PIKFYVE: variants seen among roughly 807,000 people sequenced by gnomAD.
The protein encoded by PIKFYVE is 1-phosphatidylinositol 3-phosphate 5-kinase.
PIKFYVE carries 122 observed loss-of-function variants against 257.9 expected under a neutral mutation model. That is an observed-to-expected ratio of 0.47 (90% CI 0.41 to 0.55). The LOEUF (loss-of-function observed/expected upper bound fraction) is 0.55. PIKFYVE is among the 20% of genes least tolerant of loss of function. The pLI, the probability that PIKFYVE is intolerant of heterozygous loss-of-function variation, is 0.00. For missense variants in PIKFYVE, 2,160 were observed against 2,536.6 expected (o/e 0.85, Z 3.19); for synonymous variants, 892 against 868.9 (o/e 1.03, Z -0.47).
chr2:208,345,458 G>A (rs796228413), intron 33 of PIKFYVE, among the ~76,000 whole-genome samples: 21 of 152,164 alleles, frequency 1.4e-4, no homozygotes, highest in African/African-American at 5.1e-4. Flanking sequence ...TGAAAAAAAT[G>A]AAAAGGTGTT....
intron 4 of PIKFYVE, 150 bp from the exon 5 acceptor site, chr2:208,277,387 A>T (rs1203593927): frequency 2.5e-6 from 2 of 785,070 alleles, no homozygotes; most frequent in Admixed American, 4.8e-5. Flanking sequence ...CTTCTTCAAG[A>T]TTGTCTTGGT....
intron 14 of PIKFYVE, 77 bp from the exon 15 acceptor site, chr2:208,315,116 C>A: frequency 2.4e-6 from 3 of 1,267,418 alleles, no homozygotes; most frequent in Non-Finnish European, 3.4e-6. Context: ...TCTTTGTAGG[C>A]TGTTTGTTTT....
intron 13 of PIKFYVE, among the ~76,000 whole-genome samples, chr2:208,313,188 T>A (rs1369636093): frequency 6.6e-6 from 1 of 152,024 alleles, no homozygotes; most frequent in Non-Finnish European, 1.5e-5. Flanking sequence ...ATTTCCCACT[T>A]CTTTTCTTTC....
In PIKFYVE at chr2:208,358,249, A is replaced by G. The variant is rs960172403; in HGVS notation, c.*2944A>G. The G allele has an allele frequency of 6.6e-6, 1 of 152,616 alleles. No individual in the cohort carries two copies. The highest frequency in any genetic ancestry group is 2.4e-5 in the African/African-American group (1 of 41,436). The allele number at this position is 152,616 out of a possible 1,614,324, so 9.5% of individuals were successfully genotyped here. Reference sequence around the variant, plus strand: ...CTGTGTAAAACTGCCAAGGAAAGTAATTACCTGTAGGAGTTTGCTGAGCTT... The same window carrying G: ...CTGTGTAAAACTGCCAAGGAAAGTAGTTACCTGTAGGAGTTTGCTGAGCTT... On this transcript the variant is annotated 3_prime_UTR_variant, in exon 42 of 42. Coordinates refer to ENST00000264380, the MANE Select transcript of PIKFYVE (RefSeq NM_015040.4).
intron 14 of PIKFYVE, 108 bp downstream of exon 14, chr2:208,314,531 T>A: frequency 7.9e-7 from 1 of 1,264,452 alleles, no homozygotes; most frequent in Admixed American, 2.3e-5. Context: ...TTCTTTTTCC[T>A]TAGAAAGTAA....
chr2:208,315,846 T>TC (rs1168357151), intron 15 of PIKFYVE, among the ~76,000 whole-genome samples: 1 of 151,712 alleles, frequency 6.6e-6, no homozygotes, highest in Non-Finnish European at 1.5e-5. Flanking sequence ...TGCGATTTTT[T>TC]TTTTTAACTT....
At chr2:208,323,524 G>T (rs1696554511) in intron 17 of PIKFYVE, among the ~76,000 whole-genome samples, 2 of 152,040 alleles carry the variant, frequency 1.3e-5, no homozygotes, top group Non-Finnish European at 2.9e-5. Flanking sequence ...TGGACATTTG[G>T]GTTGGTTCCA....
intron 15 of PIKFYVE, among the ~76,000 whole-genome samples, chr2:208,316,687 C>T (rs1357364147): frequency 1.3e-5 from 2 of 152,114 alleles, no homozygotes; most frequent in Non-Finnish European, 2.9e-5. Context: ...CAATCCTAAG[C>T]CAAAAGAACA....
chr2:208,309,825 G>C (rs1443492941), intron 12 of PIKFYVE, among the ~76,000 whole-genome samples: 1 of 152,082 alleles, frequency 6.6e-6, no homozygotes, highest in Non-Finnish European at 1.5e-5. Context: ...TAGACTTGGG[G>C]ACTTCTAAGT....
At position 208,326,165 on chromosome 2, in the gene PIKFYVE, A is replaced by G. The variant is rs149005796; in HGVS notation, c.3354A>G (p.Gly1118=). Residue 1118 remains glycine (G), a synonymous_variant, in exon 20 of 42, where the codon GGA becomes GGG. Transcript: ENST00000264380. ...TCTCTGGACTTCAGGGCATGAATGG[A>G]AGTATTCAGGCCAAGTCTATTCAAG... ...RDLSGLQGMN[G]SIQAKSIQVL... 460 of 1,613,736 alleles carry G rather than the reference A, an allele frequency of 2.9e-4. No individual in the cohort carries two copies. Among genetic ancestry groups the G allele is most frequent in the Middle Eastern group, 1.6e-4 (1 of 6,078 alleles).
At chr2:208,287,484 G>C (rs1175586955) in intron 6 of PIKFYVE, among the ~76,000 whole-genome samples, 1 of 152,044 alleles carries the variant, frequency 6.6e-6, no homozygotes, top group African/African-American at 2.4e-5. Context: ...ATGTTGGCCA[G>C]GCTGGTCTTG....
At chr2:208,330,100 A>G (rs1021826001) in intron 22 of PIKFYVE, among the ~76,000 whole-genome samples, 187 bp downstream of exon 22, 5 of 152,198 alleles carry the variant, frequency 3.3e-5, no homozygotes, top group African/African-American at 4.8e-5. Context: ...TCTCTTATCC[A>G]GAACATCCCT....
intron 27 of PIKFYVE, among the ~76,000 whole-genome samples, chr2:208,336,480 T>C (rs1698152362): frequency 6.6e-6 from 1 of 152,216 alleles, no homozygotes; most frequent in South Asian, 2.1e-4. Context: ...TGCTGTTGAA[T>C]TGTTTTTAAC....
At chr2:208,271,124 A>C (rs745480692) in intron 1 of PIKFYVE, among the ~76,000 whole-genome samples, 3 of 152,166 alleles carry the variant, frequency 2.0e-5, no homozygotes, top group Non-Finnish European at 4.4e-5. Flanking sequence ...CCATAACTTT[A>C]AAAAGCTGTT....
In PIKFYVE at chr2:208,355,644, AG is replaced by A; in HGVS notation, c.*340del. On this transcript the variant is annotated 3_prime_UTR_variant, in exon 42 of 42. Coordinates refer to ENST00000264380, the MANE Select transcript of PIKFYVE (RefSeq NM_015040.4). ...AGCTTAATTGTTTTAAGAAGAAAAC[AG>A]TGTCTCATAAATTGACTATCCTGGC... 4.6e-6 allele frequency: 1 copy of A among 218,334 alleles called. No homozygotes were observed. The highest frequency in any genetic ancestry group is 9.3e-6 in the Non-Finnish European group (1 of 108,016). 13.5% of individuals were successfully genotyped at this position (218,334 alleles called of 1,614,324 possible).
intron 39 of PIKFYVE, among the ~76,000 whole-genome samples, chr2:208,353,257 A>G (rs894586230): frequency 5.9e-5 from 9 of 152,232 alleles, no homozygotes; most frequent in South Asian, 2.1e-4. Flanking sequence ...AACACCTTCT[A>G]TGAGAAAAAT....
In PIKFYVE at chr2:208,273,664, T is replaced by A; in HGVS notation, c.253T>A (p.Ser85Thr). Residue 85 changes from serine to threonine, a missense_variant, in exon 3 of 42, where the codon TCT (serine) becomes ACT (threonine). Around this residue, in one of 12 missense-constraint regions of PIKFYVE, gnomAD observed 172 missense variants for 180.6 expected, o/e 0.95. Coordinates refer to ENST00000264380, the MANE Select transcript of PIKFYVE (RefSeq NM_015040.4). Reference sequence around the variant, plus strand: ...CCCTCAGCTCCCTTCGAGGACACAGTCTGTTAGGTCACCCACACCTTATAA... The same window carrying A: ...CCCTCAGCTCCCTTCGAGGACACAGACTGTTAGGTCACCCACACCTTATAA... The part of the protein sequence containing the change: ...TSPQLPSRTQ[S>T]VRSPTPYKKQ... 6.2e-7 allele frequency: 1 copy of A among 1,614,148 alleles called. No individual in the cohort carries two copies. Among genetic ancestry groups the A allele is most frequent in the Non-Finnish European group, 8.5e-7 (1 of 1,180,024 alleles).
intron 12 of PIKFYVE, among the ~76,000 whole-genome samples, chr2:208,308,105 C>T (rs1205883496): frequency 1.3e-5 from 2 of 152,130 alleles, no homozygotes; most frequent in Non-Finnish European, 2.9e-5. Context: ...CATTTCAAAT[C>T]CTTTTTGTTG....
chr2:208,277,018 T>C (rs764497934), intron 4 of PIKFYVE, among the ~76,000 whole-genome samples, 188 bp downstream of exon 4: 1 of 152,224 alleles, frequency 6.6e-6, no homozygotes, highest in Non-Finnish European at 1.5e-5. Flanking sequence ...TTTCCCGTTA[T>C]CCTTAGTGCT....
Sources: gnomAD v4.1 joint callset for allele counts (sites outside exome capture counted in the v4.1 genomes callset) on GRCh38, gnomAD v4.1.1 for gene constraint, gnomAD v4.1.1 regional missense constraint, MANE v1.5 for transcripts, NCBI Gene and HGNC (gene_info 2026-07-23, HGNC 2026-07-21) for gene names.